Variants in KHDRBS2 observed in about 807,000 individuals in gnomAD.
KHDRBS2 encodes the protein KH domain-containing, RNA-binding, signal transduction-associated protein 2.
In KHDRBS2, 26 loss-of-function variants were observed where a neutral mutation model predicts 44.3. The ratio of observed to expected loss-of-function variants is 0.59; its 90% confidence interval spans 0.43 to 0.81. The LOEUF (loss-of-function observed/expected upper bound fraction) is 0.81, where lower values mean the gene tolerates loss of function less well. Ranked by LOEUF, KHDRBS2 falls within the 40% of genes least tolerant of loss-of-function variation. The probability of loss-of-function intolerance (pLI) is 0.00; values close to 1 mark genes in which losing one functional copy is unlikely to be tolerated. For missense variants in KHDRBS2, 476 were observed against 433.1 expected (o/e 1.10, Z -0.88); for synonymous variants, 194 against 151.1 (o/e 1.28, Z -2.08).
intron 4 of KHDRBS2, among the ~76,000 whole-genome samples, chr6:61,935,042 G>A (rs1373965140): frequency 9.9e-5 from 15 of 152,136 alleles, no homozygotes; most frequent in African/African-American, 3.6e-4. Flanking sequence ...TAGAGTTCTA[G>A]CAAGAAAGGA....
At chr6:62,014,223 C>T (rs912897669) in intron 3 of KHDRBS2, among the ~76,000 whole-genome samples, 1 of 152,062 alleles carries the variant, frequency 6.6e-6, no homozygotes, top group African/African-American at 2.4e-5. Context: ...TTTTTTCAGT[C>T]TACAATATAT....
chr6:62,109,937 A>T (rs1415218874), intron 2 of KHDRBS2, among the ~76,000 whole-genome samples: 3 of 151,946 alleles, frequency 2.0e-5, no homozygotes, highest in Admixed American at 6.6e-5. Context: ...AAAAGAAGAC[A>T]TAGGAGGAAA....
chr6:61,788,778 T>C (rs373342970), intron 6 of KHDRBS2, among the ~76,000 whole-genome samples: 3 of 151,232 alleles, frequency 2.0e-5, no homozygotes, highest in East Asian at 1.9e-4. Flanking sequence ...TTATAAAGAA[T>C]ATGCCATTCC....
chr6:61,571,284 C>A, the KHDRBS2 span, among the ~76,000 whole-genome samples: 7,724 of 151,956 alleles, frequency 0.051, 286 homozygotes, highest in South Asian at 0.13. Context: ...TTATATCACA[C>A]AAAACAGACT....
chr6:61,568,848 G>A, the KHDRBS2 span, among the ~76,000 whole-genome samples: 8 of 152,230 alleles, frequency 5.3e-5, no homozygotes, highest in African/African-American at 1.9e-4. Flanking sequence ...TAGAAAGGGG[G>A]TCAGAGGGCA....
intron 8 of KHDRBS2, among the ~76,000 whole-genome samples, chr6:61,696,504 G>C (rs891101148): frequency 3.3e-5 from 5 of 151,900 alleles, no homozygotes; most frequent in African/African-American, 1.2e-4. Context: ...TGATCCGCCC[G>C]CCTCAGCCTC....
At chr6:61,708,731 T>C (rs1217942643) in intron 7 of KHDRBS2, among the ~76,000 whole-genome samples, 1 of 151,644 alleles carries the variant, frequency 6.6e-6, no homozygotes, top group East Asian at 1.9e-4. Context: ...AGATAGATAG[T>C]AAACAGTATA....
chr6:61,860,250 ACT>A (rs1304058323), intron 6 of KHDRBS2, among the ~76,000 whole-genome samples: 3 of 151,812 alleles, frequency 2.0e-5, no homozygotes, highest in Non-Finnish European at 4.4e-5. Context: ...GAAGAGATAG[ACT>A]CATGGTTAAT....
intron 2 of KHDRBS2, among the ~76,000 whole-genome samples, chr6:62,078,019 G>C (rs1440626245): frequency 6.6e-6 from 1 of 152,028 alleles, no homozygotes; most frequent in Non-Finnish European, 1.5e-5. Flanking sequence ...TGCACACGTA[G>C]CATCATTACA....
intron 4 of KHDRBS2, among the ~76,000 whole-genome samples, chr6:61,965,574 T>G (rs538183057): frequency 4.2e-4 from 64 of 152,132 alleles, no homozygotes; most frequent in African/African-American, 1.4e-3. Flanking sequence ...GGTCAGGTAG[T>G]GAAAAATCTG....
chr6:62,062,442 T>C, intron 2 of KHDRBS2, among the ~76,000 whole-genome samples: 1 of 151,272 alleles, frequency 6.6e-6, no homozygotes, highest in Non-Finnish European at 1.5e-5. Flanking sequence ...CAGACCACAG[T>C]GCAATCAAAC....
chr6:62,103,957 A>C (rs778457358), intron 2 of KHDRBS2, among the ~76,000 whole-genome samples: 1 of 152,236 alleles, frequency 6.6e-6, no homozygotes, highest in East Asian at 1.9e-4. Context: ...TATAAGAAAC[A>C]TAAGGTCATA....
the KHDRBS2 span, among the ~76,000 whole-genome samples, chr6:61,637,678 A>C: frequency 1.1e-3 from 171 of 151,956 alleles, no homozygotes; most frequent in African/African-American, 3.9e-3. Context: ...TATTTCTCCA[A>C]ATCCTCTCCA....
At chr6:62,244,701 C>T (rs1382436444) in intron 1 of KHDRBS2, among the ~76,000 whole-genome samples, 1 of 152,004 alleles carries the variant, frequency 6.6e-6, no homozygotes, top group Non-Finnish European at 1.5e-5. Context: ...ATAGATTAAG[C>T]AATAGATTTA....
chr6:61,824,520 C>T (rs1195339280), intron 6 of KHDRBS2, among the ~76,000 whole-genome samples: 1 of 152,080 alleles, frequency 6.6e-6, no homozygotes, highest in East Asian at 1.9e-4. Flanking sequence ...TCTTCATAAA[C>T]TACCGAGTCT....
intron 7 of KHDRBS2, among the ~76,000 whole-genome samples, chr6:61,707,652 T>G (rs1156399973): frequency 6.6e-6 from 1 of 151,662 alleles, no homozygotes; most frequent in Non-Finnish European, 1.5e-5. Flanking sequence ...TGAGTAGTAG[T>G]CTCCGAATCC....
At chr6:61,915,839 G>A (rs538430870) in intron 4 of KHDRBS2, among the ~76,000 whole-genome samples, 2 of 152,030 alleles carry the variant, frequency 1.3e-5, no homozygotes, top group African/African-American at 4.8e-5. Context: ...GTAGCAAAGG[G>A]CTTTTGTGGT....
intron 3 of KHDRBS2, among the ~76,000 whole-genome samples, chr6:62,026,152 G>C (rs191869247): frequency 5.5e-4 from 84 of 151,802 alleles, no homozygotes; most frequent in African/African-American, 2.0e-3. Context: ...ATTTCAAGCT[G>C]TAAGTGTCCA....
the KHDRBS2 span, among the ~76,000 whole-genome samples, chr6:61,570,405 G>A: frequency 7.2e-5 from 11 of 151,858 alleles, no homozygotes; most frequent in Middle Eastern, 3.2e-3. Flanking sequence ...AAGCCTCCAA[G>A]AAATTTTGGA....
Sources: allele counts gnomAD v4.1 joint callset (sites outside exome capture counted in the v4.1 genomes callset), GRCh38; gene constraint gnomAD v4.1.1; transcripts MANE v1.5; gene names NCBI Gene and HGNC (gene_info 2026-07-23, HGNC 2026-07-21).